DHRS4: variants seen among roughly 807,000 people sequenced by gnomAD.
DHRS4 encodes dehydrogenase/reductase 4, also known as dehydrogenase/reductase SDR family member 4.
Under a neutral mutation model 28.4 loss-of-function variants are expected in DHRS4, and 20 were observed. The ratio of observed to expected loss-of-function variants is 0.71; its 90% CI spans 0.50 to 1.02. The LOEUF is 1.02. DHRS4 is among the 50% of genes least tolerant of loss of function. DHRS4 has a pLI of 0.00. For missense variants in DHRS4, 378 were observed against 367.2 expected (o/e 1.03, Z -0.24); for synonymous variants, 144 against 146.4 (o/e 0.98, Z 0.12).
At chr14:23,960,778 T>A (rs1172173305) in intron 3 of DHRS4, among the ~76,000 whole-genome samples, 1 of 152,106 alleles carries the variant, frequency 6.6e-6, no homozygotes, top group Admixed American at 6.5e-5. Context: ...CTGTTTTGCA[T>A]TGCTATAAAG....
intron 2 of DHRS4, among the ~76,000 whole-genome samples, chr14:23,957,944 G>T (rs894849528): frequency 2.0e-5 from 3 of 150,610 alleles, no homozygotes; most frequent in African/African-American, 7.3e-5. Context: ...AGGAGTATGG[G>T]GTATACAGCA....
intron 2 of DHRS4, among the ~76,000 whole-genome samples, chr14:23,956,258 G>C (rs182842712): frequency 6.6e-6 from 1 of 152,230 alleles, no homozygotes. Flanking sequence ...GGAAGGAGCC[G>C]TTTGGGAGTC....
intron 2 of DHRS4, among the ~76,000 whole-genome samples, chr14:23,955,935 G>A (rs993855754): frequency 6.6e-6 from 1 of 152,228 alleles, no homozygotes; most frequent in African/African-American, 2.4e-5. Flanking sequence ...GAGGCTCACG[G>A]CATACACTTT....
chr14:23,963,430 T>A (rs1278262134), intron 3 of DHRS4, among the ~76,000 whole-genome samples: 2 of 140,674 alleles, frequency 1.4e-5, no homozygotes, highest in South Asian at 2.3e-4. Context: ...CAGCACTCGC[T>A]GCTTCATCTT....
chr14:23,953,898 T>A lies in DHRS4; in HGVS notation c.110T>A (p.Val37Glu). The stretch of plus-strand genomic sequence containing the variant: ...CCGCTCGCAAATAAGGTGGCCCTGG[T>A]AACGGCCTCCACCGACGGGTGAGTG... ...RDPLANKVAL[V>E]TASTDGIGFA... The change falls in exon 1 of 8, where the codon GTA becomes GAA. Residue 37 changes from valine to glutamate, a missense_variant. Val to Glu is a moderately radical substitution (Grantham distance 121). Transcript: ENST00000313250. The A allele has an allele frequency of 6.2e-7, 1 of 1,601,574 alleles. No homozygotes were observed. Among genetic ancestry groups the A allele is most frequent in the Admixed American group, 1.7e-5 (1 of 57,930 alleles).
chr14:23,966,340 G>C lies in DHRS4; in HGVS notation c.589G>C (p.Ala197Pro). 1 of 1,614,044 alleles carries C rather than the reference G, an allele frequency of 6.2e-7. No homozygotes were observed. Residue 197 changes from alanine to proline, a missense_variant, in exon 6 of 8, where the codon GCC becomes CCC. Transcript: ENST00000313250. ...CTTGCTGGGCCTGACCAAGACCCTG[G>C]CCATAGAGCTGGCCCCAAGGAACAT... ...TALLGLTKTL[A>P]IELAPRNIRV...
rs2033565162 is a variant in DHRS4, at chr14:23,964,981, A to G, written c.409-781A>G. Among the ~76,000 whole-genome samples the G allele has an allele frequency of 2.6e-5, 4 of 151,318 alleles. No homozygotes were observed. In the South Asian group the frequency reaches 8.4e-4, roughly 32 times the overall value. On this transcript the variant is annotated intron_variant, in intron 3 of 7. Coordinates refer to ENST00000313250, the MANE Select transcript of DHRS4 (RefSeq NM_021004.4). ...TCAGAAAACTTGCAACTGAGTTTCA[A>G]TGGTTCATTTAAAAAACTGTACAGA...
intron 7 of DHRS4, among the ~76,000 whole-genome samples, 156 bp from the exon 8 acceptor site, chr14:23,968,601 G>A (rs1396215321): frequency 2.6e-5 from 4 of 151,524 alleles, no homozygotes; most frequent in South Asian, 2.1e-4. Context: ...GCATATCCTC[G>A]TGGTAACCCT....
intron 1 of DHRS4, 152 bp downstream of exon 1, chr14:23,954,068 C>G: frequency 7.9e-7 from 1 of 1,271,494 alleles, no homozygotes; most frequent in South Asian, 1.5e-5. Flanking sequence ...CCGCCTGAAG[C>G]CACTCCGAAT....
In DHRS4 at chr14:23,959,882, G is replaced by A. The variant is rs767845873; in HGVS notation, c.307-20G>A. 1.2e-6 allele frequency: 2 copies of A among 1,611,718 alleles called. No homozygotes were observed. The highest frequency in any genetic ancestry group is 2.2e-5 in the South Asian group (2 of 91,008). ...CCTTACTTACTGCAGCCCTGGTCCA[G>A]AACTTACCCCTCTCTCTAGGCTGTG... On this transcript the variant is annotated intron_variant, in intron 2 of 7. Transcript: ENST00000313250.
chr14:23,957,349 T>G (rs1430198805), intron 2 of DHRS4, among the ~76,000 whole-genome samples: 1 of 150,942 alleles, frequency 6.6e-6, no homozygotes, highest in African/African-American at 2.5e-5. Context: ...AAAGCCACTT[T>G]CCTGAGAATG....
rs763815479 is a variant in DHRS4 at position 23,955,157 on chromosome 14, C to A, written c.251C>A (p.Thr84Lys). The A allele has an allele frequency of 6.2e-7, 1 of 1,613,664 alleles. No homozygotes were observed. The highest frequency in any genetic ancestry group is 1.3e-5 in the African/African-American group (1 of 74,914). Residue 84 changes from threonine (T) to lysine (K), a missense_variant, in exon 2 of 8, where the codon ACG (threonine) becomes AAG (lysine). By Grantham distance (78) the Thr-to-Lys change is moderately conservative. Transcript: ENST00000313250. ...ATLQGEGLSV[T>K]GTVCHVGKAE... ...CTGCAGGGGGAGGGGCTGAGCGTGA[C>A]GGGCACCGTGTGCCATGTGGGGAAG...
intron 2 of DHRS4, among the ~76,000 whole-genome samples, chr14:23,956,754 C>T (rs558477370): frequency 6.6e-6 from 1 of 152,116 alleles, no homozygotes; most frequent in Non-Finnish European, 1.5e-5. Context: ...CAGGCATCCA[C>T]CACCACGTCC....
chr14:23,954,035 TG>T, intron 1 of DHRS4, 119 bp downstream of exon 1: 2 of 1,458,712 alleles, frequency 1.4e-6, no homozygotes, highest in South Asian at 2.7e-5. Context: ...AGTCTGGCCC[TG>T]GAAAAAAGGT....
chr14:23,960,408 G>A (rs550161788), intron 3 of DHRS4, among the ~76,000 whole-genome samples: 13 of 152,040 alleles, frequency 8.6e-5, no homozygotes, highest in Middle Eastern at 3.4e-3. Flanking sequence ...TACGAGTTGG[G>A]AAATATTAAA....
intron 1 of DHRS4, chr14:23,954,148 T>C: frequency 3.3e-6 from 2 of 611,702 alleles, no homozygotes; most frequent in Non-Finnish European, 5.5e-6. Flanking sequence ...GTGCCACCTC[T>C]GTGCAGCCCT....
intron 7 of DHRS4, 75 bp from the exon 8 acceptor site, chr14:23,968,682 A>T: frequency 6.4e-6 from 10 of 1,570,464 alleles, no homozygotes; most frequent in Non-Finnish European, 6.9e-6. Flanking sequence ...AAGCAAATTT[A>T]ACTCCCTGTG....
intron 1 of DHRS4, 142 bp downstream of exon 1, chr14:23,954,058 C>A: frequency 7.5e-7 from 1 of 1,335,094 alleles, no homozygotes; most frequent in African/African-American, 1.5e-5. Context: ...GCCACGTGGT[C>A]CGCCTGAAGC....
At position 23,968,625 on chromosome 14, in the gene DHRS4, A is replaced by G. The variant is rs1443251354; in HGVS notation, c.723-132A>G. 5.4e-6 allele frequency: 8 copies of G among 1,482,022 alleles called. 1 individual carries two copies. Among genetic ancestry groups the G allele is most frequent in the East Asian group, 2.5e-5 (1 of 40,468 alleles). 91.8% of individuals were successfully genotyped at this position (1,482,022 alleles called of 1,614,324 possible). On this transcript the variant is annotated intron_variant, in intron 7 of 7. Transcript: ENST00000313250. ...CGTGGTAACCCTATTTGATAGGCAG[A>G]AAGCTTGTACACTGACCCTGAAAAA...
Sources: gnomAD v4.1 joint callset for allele counts (sites outside exome capture counted in the v4.1 genomes callset) on GRCh38, gnomAD v4.1.1 for gene constraint, MANE v1.5 for transcripts, NCBI Gene and HGNC (gene_info 2026-07-23, HGNC 2026-07-21) for gene names.